CCDC92: variants seen among roughly 807,000 people sequenced by gnomAD.
CCDC92 encodes the protein coiled-coil domain containing 92.
A neutral mutation model predicts 24.9 loss-of-function variants in CCDC92; 12 were observed. The observed-to-expected ratio is 0.48, with a 90% confidence interval of 0.31 to 0.78. The LOEUF is 0.78. Among genes scored for constraint, CCDC92 ranks in the 30% least tolerant of loss-of-function variants. CCDC92 has a pLI of 0.05. For missense variants in CCDC92, 399 were observed against 439.4 expected, an observed-to-expected ratio of 0.91 and a Z score of 0.82; for synonymous variants, 193 against 196.3, an observed-to-expected ratio of 0.98 and a Z score of 0.14.
At chr12:123,970,683 A>T (rs1956505874) in intron 1 of CCDC92, among the ~76,000 whole-genome samples, 1 of 152,266 alleles carries the variant, frequency 6.6e-6, no homozygotes, top group African/African-American at 2.4e-5. Context: ...GGAATTCAGT[A>T]AATTCAGTAG....
At chr12:123,959,487 T>A (rs1398873460) in intron 1 of CCDC92, among the ~76,000 whole-genome samples, 1 of 152,120 alleles carries the variant, frequency 6.6e-6, no homozygotes, top group Non-Finnish European at 1.5e-5. Context: ...GTATTTTTAG[T>A]AGAGACAAGG....
chr12:123,939,647 G>C (rs968130913), intron 4 of CCDC92, among the ~76,000 whole-genome samples: 1 of 152,202 alleles, frequency 6.6e-6, no homozygotes, highest in Admixed American at 6.5e-5. Context: ...GTGTGTATGT[G>C]CAGGTATAAT....
rs144711865 is a variant in CCDC92, at chr12:123,937,244, G to A, written c.810C>T (p.Ser270=). The A allele has an allele frequency of 6.5e-5, 105 of 1,610,786 alleles. No homozygotes were observed. The highest frequency in any genetic ancestry group is 5.9e-4 in the African/African-American group (44 of 74,920). The change falls in exon 5 of 5, where the codon TCC becomes TCT. Residue 270 remains serine (S), a synonymous_variant. Transcript: ENST00000238156. The surrounding 1 kb of genome is among the most constrained non-coding windows in gnomAD (Gnocchi z 8.4). ...ERPLVIPPIA[S]DRSGEQHSPA... Reference sequence around the variant, plus strand: ...GGCTGTGCTGCTCGCCGCTTCGGTCGGAGGCGATGGGGGGGATGACGAGGG... The same window carrying A: ...GGCTGTGCTGCTCGCCGCTTCGGTCAGAGGCGATGGGGGGGATGACGAGGG...
chr12:123,956,907 CACT>C (rs1005232507), intron 1 of CCDC92, among the ~76,000 whole-genome samples: 2 of 152,190 alleles, frequency 1.3e-5, no homozygotes, highest in African/African-American at 4.8e-5. Flanking sequence ...GGTAGAAAAT[CACT>C]ACATCTGATA....
At chr12:123,966,859 A>G (rs1407679948) in intron 1 of CCDC92, among the ~76,000 whole-genome samples, 2 of 152,196 alleles carry the variant, frequency 1.3e-5, no homozygotes, top group African/African-American at 4.8e-5. Flanking sequence ...CAAAGCTCTG[A>G]GTTCCATCCT....
Position 123,937,511 on chromosome 12 carries a change from T to C in CCDC92, c.543A>G (p.Ser181=), listed in dbSNP as rs1955551752. ...SSSGTSDASP[S]GSPVLASYKP... is the part of the protein sequence containing the mutation. ...TGTAGCTGGCCAGCACGGGGCTCCC[T>C]GACGGGCTGGCATCTGAGGTCCCGC... The change falls in exon 5 of 5, where the codon TCA becomes TCG. Residue 181 remains serine, a synonymous_variant. Transcript: ENST00000238156. This position sits in a 1 kb window ranked among gnomAD's most constrained non-coding sequence, Gnocchi z 8.4. 6.2e-7 allele frequency: 1 copy of C among 1,612,408 alleles called. No homozygotes were observed.
intron 1 of CCDC92, among the ~76,000 whole-genome samples, chr12:123,969,291 A>G (rs2138230360): frequency 6.6e-6 from 1 of 152,268 alleles, no homozygotes; most frequent in South Asian, 2.1e-4. Flanking sequence ...AGCTGCCAGC[A>G]TATTTTAAAA....
chr12:123,943,695 T>C (rs564031234), intron 2 of CCDC92: 9 of 620,298 alleles, frequency 1.5e-5, no homozygotes, highest in African/African-American at 5.5e-5. Flanking sequence ...CGGCAGCCTC[T>C]GCTTCCCGAA....
intron 1 of CCDC92, chr12:123,966,006 T>C (rs562362711): frequency 6.8e-4 from 103 of 152,382 alleles, no homozygotes; most frequent in African/African-American, 2.4e-3. Context: ...TGGGTTTTCA[T>C]GTGAATGCTT....
intron 1 of CCDC92, chr12:123,944,606 C>T: frequency 3.0e-6 from 1 of 334,138 alleles, no homozygotes; most frequent in South Asian, 8.1e-5. Flanking sequence ...TCTGTACGAC[C>T]AGTGACATGC....
rs1463766084 is a variant in CCDC92, at chr12:123,943,352, C to T, written c.176G>A (p.Cys59Tyr). Reference protein sequence around the residue: ...HSEIRRLQQHCTDLTYELTVK... With the variant: ...HSEIRRLQQHYTDLTYELTVK... ...GGGCCTGCTCCCCGATGTACCTGTG[C>T]AGTGCTGCTGCAGCCGCCTGATCTC... Residue 59 changes from cysteine (C) to tyrosine (Y), a missense_variant, in exon 3 of 5, where the codon TGC (cysteine) becomes TAC (tyrosine). Coordinates refer to ENST00000238156, the MANE Select transcript of CCDC92 (RefSeq NM_025140.3). 1.9e-6 allele frequency: 3 copies of T among 1,612,906 alleles called. No homozygotes were observed. The highest frequency in any genetic ancestry group is 2.5e-6 in the Non-Finnish European group (3 of 1,179,992).
chr12:123,969,960 GTATAATTAAAAAGAGTCTTTTAAAACACA>G (rs1234321286), intron 1 of CCDC92: 1 of 152,118 alleles, frequency 6.6e-6, no homozygotes, highest in Non-Finnish European at 1.5e-5. Flanking sequence ...TACAAATCAT[GTATAATTAAAAAGAGTCTTTTAAAACACA>G]TTGAATTCGA....
intron 1 of CCDC92, among the ~76,000 whole-genome samples, chr12:123,955,322 C>A (rs1027513355): frequency 2.0e-5 from 3 of 152,208 alleles, no homozygotes; most frequent in African/African-American, 7.2e-5. Context: ...TCCATTTCCA[C>A]CTCAGATTGA....
chr12:123,941,873 T>C (rs1955695064), intron 4 of CCDC92, among the ~76,000 whole-genome samples: 1 of 152,250 alleles, frequency 6.6e-6, no homozygotes, highest in Admixed American at 6.5e-5. Flanking sequence ...CAATGGAAAC[T>C]GGACACAGTC....
chr12:123,969,138 T>C (rs923260329), intron 1 of CCDC92, among the ~76,000 whole-genome samples: 1 of 152,198 alleles, frequency 6.6e-6, no homozygotes, highest in African/African-American at 2.4e-5. Flanking sequence ...TAAATCCTTA[T>C]TCCCATTGCT....
chr12:123,947,269 C>T (rs1329310902), intron 1 of CCDC92, among the ~76,000 whole-genome samples: 1 of 152,168 alleles, frequency 6.6e-6, no homozygotes, highest in Non-Finnish European at 1.5e-5. Flanking sequence ...CTGTGCTGCC[C>T]GAGCCTCCCC....
intron 1 of CCDC92, among the ~76,000 whole-genome samples, chr12:123,965,744 T>C (rs554005553): frequency 9.2e-5 from 14 of 152,348 alleles, no homozygotes; most frequent in African/African-American, 2.4e-4. Context: ...AGTGCCTTCA[T>C]CTTGCTCCAG....
intron 4 of CCDC92, among the ~76,000 whole-genome samples, chr12:123,942,152 G>A (rs1955703858): frequency 2.6e-5 from 4 of 152,352 alleles, no homozygotes; most frequent in South Asian, 4.1e-4. Flanking sequence ...GGAAGGCCTG[G>A]GTTTCTGTCT....
intron 1 of CCDC92, among the ~76,000 whole-genome samples, chr12:123,964,736 AT>A (rs527862171): frequency 1.4e-3 from 213 of 152,370 alleles, no homozygotes; most frequent in African/African-American, 4.9e-3. Context: ...GGGAGCTGTA[AT>A]TTAAGAAACT....
Sources: gnomAD v4.1 joint callset for allele counts (sites outside exome capture counted in the v4.1 genomes callset) on GRCh38, gnomAD v4.1.1 for gene constraint, Gnocchi (gnomAD v3.1) non-coding constraint, MANE v1.5 for transcripts, NCBI Gene and HGNC (gene_info 2026-07-23, HGNC 2026-07-21) for gene names.